Variants in ARHGAP5 observed in about 807,000 individuals in gnomAD.
ARHGAP5 encodes rho GTPase-activating protein 5.
In ARHGAP5, 23 loss-of-function variants were observed where a neutral mutation model predicts 116.6. That is an observed-to-expected ratio of 0.20 (90% confidence interval 0.14 to 0.28). The LOEUF (loss-of-function observed/expected upper bound fraction) is 0.28. Ranked by LOEUF, ARHGAP5 falls within the 10% of genes least tolerant of loss-of-function variation. The pLI, the probability that ARHGAP5 is intolerant of heterozygous loss-of-function variation, is 1.00. For missense variants in ARHGAP5, 1,405 were observed against 1,774.8 expected (o/e 0.79, Z 3.74); for synonymous variants, 574 against 602.0 (o/e 0.95, Z 0.68).
chr14:32,155,679 A>G lies in ARHGAP5; in HGVS notation c.*731A>G, dbSNP rs1403230976. 4 of 152,630 alleles carry G rather than the reference A, an allele frequency of 2.6e-5. No individual in the cohort carries two copies. Among genetic ancestry groups the G allele is most frequent in the African/African-American group, 4.8e-5 (2 of 41,472 alleles). The allele number at this position is 152,630 out of a possible 1,614,324, so 9.5% of individuals were successfully genotyped here. A position where few individuals can be genotyped will look rare whatever the true frequency, so the allele number is the denominator to read the frequency against. On this transcript the variant is annotated 3_prime_UTR_variant, in exon 7 of 7. Coordinates refer to ENST00000345122, the MANE Select transcript of ARHGAP5 (RefSeq NM_001030055.2). Reference sequence around the variant, plus strand: ...TCTTTATGGTCCATAATGAAATAAAAATTTTGTATACTGTTAATTCTGTAA... The same window carrying G: ...TCTTTATGGTCCATAATGAAATAAAGATTTTGTATACTGTTAATTCTGTAA...
At chr14:32,095,015 CT>C (rs553541392) in intron 2 of ARHGAP5, among the ~76,000 whole-genome samples, 123 of 152,210 alleles carry the variant, frequency 8.1e-4, no homozygotes, top group Non-Finnish European at 1.5e-3. Context: ...ATAATTTTGA[CT>C]TTTATTAGAT....
Position 32,090,846 on chromosome 14 carries a change from C to T in ARHGAP5, c.177C>T (p.Thr59=), listed in dbSNP as rs1489337588. Residue 59 remains threonine, a synonymous_variant, in exon 2 of 7, where the codon ACC becomes ACT. Transcript: ENST00000345122. ...YYPEHTSVLS[T]IDFGGRVVNN... ...CAGAGCATACTTCTGTGCTTAGCAC[C>T]ATTGACTTTGGAGGACGAGTAGTAA... 6.2e-7 allele frequency: 1 copy of T among 1,613,412 alleles called. No homozygotes were observed. The highest frequency in any genetic ancestry group is 1.3e-5 in the African/African-American group (1 of 74,850).
rs1157717977 is a variant in ARHGAP5, at chr14:32,155,708, G to A, written c.*760G>A. 6.6e-6 allele frequency: 1 copy of A among 152,580 alleles called. No homozygotes were observed. The highest frequency in any genetic ancestry group is 1.9e-4 in the East Asian group (1 of 5,200). 9.5% of individuals were successfully genotyped at this position (152,580 alleles called of 1,614,324 possible). ...TTGTATACTGTTAATTCTGTAAACA[G>A]ATGCATGTTCAAAAGATCTATGATG... is the stretch of plus-strand genomic sequence containing the variant. On this transcript the variant is annotated 3_prime_UTR_variant, in exon 7 of 7. Transcript: ENST00000345122.
chr14:32,113,834 T>C (rs1879426114), intron 2 of ARHGAP5, among the ~76,000 whole-genome samples: 1 of 152,214 alleles, frequency 6.6e-6, no homozygotes, highest in Non-Finnish European at 1.5e-5. Flanking sequence ...TAGTTTGTTT[T>C]TCTTAAAACT....
chr14:32,080,694 GGGAA>G (rs2041763179), intron 1 of ARHGAP5, among the ~76,000 whole-genome samples: 1 of 152,116 alleles, frequency 6.6e-6, no homozygotes, highest in Non-Finnish European at 1.5e-5. Flanking sequence ...CAGGACCTCT[GGGAA>G]TCATTCATAG....
At chr14:32,133,937 A>G (rs1880647841) in intron 3 of ARHGAP5, among the ~76,000 whole-genome samples, 2 of 152,116 alleles carry the variant, frequency 1.3e-5, no homozygotes, top group Non-Finnish European at 1.5e-5. Flanking sequence ...TGTCCAATCA[A>G]TAGAAAAAGA....
chr14:32,122,680 T>A (rs1470956111), intron 3 of ARHGAP5, among the ~76,000 whole-genome samples: 1 of 152,198 alleles, frequency 6.6e-6, no homozygotes. Flanking sequence ...TTTGACTTAA[T>A]TTTTGTGTGT....
In ARHGAP5 at chr14:32,077,361, CA is replaced by C. The variant is rs2041714644; in HGVS notation, c.-242del. On this transcript the variant is annotated 5_prime_UTR_variant, in exon 1 of 7. Transcript: ENST00000345122. ...AGGCGGCGGCGGCGGGAGCGGTCCC[CA>C]GGAATGTCGCTGCCGCCGCCACCGC... 19 of 698,464 alleles carry C rather than the reference CA, an allele frequency of 2.7e-5. No homozygotes were observed. The East Asian group carries it at 5.1e-4, about 19-fold the overall frequency. The allele number at this position is 698,464 out of a possible 1,614,324, so 43.3% of individuals were successfully genotyped here.
At chr14:32,096,140 TG>T (rs944105238) in intron 2 of ARHGAP5, among the ~76,000 whole-genome samples, 3 of 151,742 alleles carry the variant, frequency 2.0e-5, no homozygotes, top group Middle Eastern at 3.4e-3. Context: ...TCTATTGGTT[TG>T]TTTTTTTTTT....
chr14:32,152,769 T>G (rs1220215292), intron 6 of ARHGAP5, among the ~76,000 whole-genome samples: 2 of 152,162 alleles, frequency 1.3e-5, no homozygotes, highest in African/African-American at 2.4e-5. Context: ...CTGTAAAATC[T>G]TAGAATTTTA....
chr14:32,138,008 A>G (rs890313661), intron 3 of ARHGAP5, among the ~76,000 whole-genome samples: 2 of 151,384 alleles, frequency 1.3e-5, no homozygotes, highest in African/African-American at 4.9e-5. Context: ...CTTCCAATCC[A>G]CAAACACAGG....
chr14:32,112,697 C>T (rs1277528073), intron 2 of ARHGAP5, among the ~76,000 whole-genome samples: 1 of 152,028 alleles, frequency 6.6e-6, no homozygotes, highest in East Asian at 1.9e-4. Flanking sequence ...GTGGTGAAAC[C>T]CTGTCTCTAC....
chr14:32,115,167 C>T (rs552778348), intron 2 of ARHGAP5, among the ~76,000 whole-genome samples: 1 of 152,206 alleles, frequency 6.6e-6, no homozygotes, highest in Non-Finnish European at 1.5e-5. Context: ...ATACCCTGCT[C>T]TAGAGAGTGA....
chr14:32,125,444 C>G (rs904707346), intron 3 of ARHGAP5, among the ~76,000 whole-genome samples: 1 of 152,206 alleles, frequency 6.6e-6, no homozygotes, highest in South Asian at 2.1e-4. Context: ...TGTGAACATT[C>G]ATGTGTACAA....
At chr14:32,082,200 G>A (rs2041784020) in intron 1 of ARHGAP5, among the ~76,000 whole-genome samples, 1 of 152,168 alleles carries the variant, frequency 6.6e-6, no homozygotes, top group Admixed American at 6.5e-5. Context: ...CTGATCTAGA[G>A]AATTTAAGAT....
intron 1 of ARHGAP5, among the ~76,000 whole-genome samples, chr14:32,089,870 G>A (rs1263382667): frequency 6.6e-6 from 1 of 151,820 alleles, no homozygotes. Flanking sequence ...CTATGTAAAT[G>A]CTATCATTAT....
At chr14:32,113,796 G>A (rs990456996) in intron 2 of ARHGAP5, among the ~76,000 whole-genome samples, 2 of 152,222 alleles carry the variant, frequency 1.3e-5, no homozygotes, top group African/African-American at 4.8e-5. Context: ...GAGTTAAGAG[G>A]TGATTGGAAC....
At chr14:32,081,058 T>G (rs572091525) in intron 1 of ARHGAP5, among the ~76,000 whole-genome samples, 2 of 152,276 alleles carry the variant, frequency 1.3e-5, no homozygotes, top group East Asian at 3.9e-4. Flanking sequence ...TGACCAATAT[T>G]TTATTGAGCA....
At chr14:32,078,779 G>C (rs1028004090) in intron 1 of ARHGAP5, among the ~76,000 whole-genome samples, 1 of 152,086 alleles carries the variant, frequency 6.6e-6, no homozygotes, top group East Asian at 1.9e-4. Flanking sequence ...TAGATGCAGC[G>C]ATTAGACATT....
Sources: gnomAD v4.1 joint callset for allele counts (sites outside exome capture counted in the v4.1 genomes callset) on GRCh38, gnomAD v4.1.1 for gene constraint, MANE v1.5 for transcripts, NCBI Gene and HGNC (gene_info 2026-07-23, HGNC 2026-07-21) for gene names.